Variants in RAD50 observed in about 807,000 individuals in gnomAD.
The protein encoded by RAD50 is RAD50 double strand break repair protein.
A neutral mutation model predicts 168.8 loss-of-function variants in RAD50; 132 were observed. The ratio of observed to expected loss-of-function variants is 0.78; its 90% CI spans 0.68 to 0.90. RAD50 has a LOEUF of 0.90. RAD50 is among the 40% of genes least tolerant of loss of function. RAD50 has a pLI of 0.00. For synonymous variants in RAD50, 525 were observed against 497.4 expected, an observed-to-expected ratio of 1.06 and a Z score of -0.74; for missense variants, 1,347 against 1,534.4, an observed-to-expected ratio of 0.88 and a Z score of 2.04.
intron 23 of RAD50, among the ~76,000 whole-genome samples, chr5:132,638,835 A>G (rs546836960): frequency 2.0e-5 from 3 of 152,340 alleles, no homozygotes; most frequent in East Asian, 1.9e-4. Flanking sequence ...GTTTTAAAGA[A>G]TCAGGAATAT....
At position 132,642,868 on chromosome 5, in the gene RAD50, G is replaced by A; in HGVS notation, c.*504G>A. On this transcript the variant is annotated 3_prime_UTR_variant, in exon 25 of 25. Coordinates refer to ENST00000378823, the MANE Select transcript of RAD50 (RefSeq NM_005732.4). ...CTCTGCTTTTAACTTTATAAATCCAGTGACCTCTCTCTCTGGGACTTGGTT... is the reference window on the plus strand; with the variant it reads ...CTCTGCTTTTAACTTTATAAATCCAATGACCTCTCTCTCTGGGACTTGGTT... 5.3e-6 allele frequency: 2 copies of A among 377,882 alleles called. No homozygotes were observed. Among genetic ancestry groups the A allele is most frequent in the Middle Eastern group, 3.7e-4 (1 of 2,728 alleles). 23.4% of individuals were successfully genotyped at this position (377,882 alleles called of 1,614,324 possible).
intron 16 of RAD50, among the ~76,000 whole-genome samples, chr5:132,606,874 G>A (rs769895745): frequency 8.5e-5 from 13 of 152,142 alleles, no homozygotes; most frequent in Non-Finnish European, 1.6e-4. Flanking sequence ...AAAACCACAT[G>A]ATTATCCCAA....
chr5:132,589,439 A>G (rs1750656974), intron 8 of RAD50, among the ~76,000 whole-genome samples, 192 bp from the exon 9 acceptor site: 1 of 152,226 alleles, frequency 6.6e-6, no homozygotes, highest in Non-Finnish European at 1.5e-5. Flanking sequence ...ATGTAGGCTT[A>G]TGTAAATACA....
chr5:132,625,394 T>C lies in RAD50; in HGVS notation c.3389+7100T>C, dbSNP rs1034538326. ...AGCCACCGCGCCCGGCCGAATTCTT[T>C]TTTTTAAAAAAAGTTTTATTCTTAT... On this transcript the variant is annotated intron_variant, in intron 21 of 24. Transcript: ENST00000378823. Among the ~76,000 whole-genome samples, 12 of 152,342 alleles carry C rather than the reference T, an allele frequency of 7.9e-5. No homozygotes were observed. In the East Asian group the frequency reaches 2.3e-3, roughly 29 times the overall value.
chr5:132,557,104 C>T lies in RAD50; in HGVS notation c.-221C>T, dbSNP rs1051231504. ...TCCCCGCCTCCGCTCTCCCCACCGG[C>T]GGGGAAAGCAGCTGGTGTGGGAGGA... is the stretch of plus-strand genomic sequence containing the variant. On this transcript the variant is annotated 5_prime_UTR_variant, in exon 1 of 25. Coordinates refer to ENST00000378823, the MANE Select transcript of RAD50 (RefSeq NM_005732.4). 19 of 698,568 alleles carry T rather than the reference C, an allele frequency of 2.7e-5. No individual in the cohort carries two copies. The highest frequency in any genetic ancestry group is 4.0e-5 in the Non-Finnish European group (17 of 427,402). 43.3% of individuals were successfully genotyped at this position (698,568 alleles called of 1,614,324 possible). A position where few individuals can be genotyped will look rare whatever the true frequency, so the allele number is the denominator to read the frequency against.
At chr5:132,570,589 T>G (rs960939034) in intron 2 of RAD50, among the ~76,000 whole-genome samples, 24 of 152,246 alleles carry the variant, frequency 1.6e-4, no homozygotes, top group African/African-American at 5.8e-4. Flanking sequence ...AACTTTTCTT[T>G]GCAGCTTCTT....
chr5:132,605,290 A>T (rs112478070), intron 16 of RAD50, among the ~76,000 whole-genome samples: 1,742 of 151,984 alleles, frequency 0.011, 36 homozygotes, highest in African/African-American at 0.04. Context: ...TGATCCGCCT[A>T]CCTTGGCCTC....
chr5:132,623,749 A>C (rs982717537), intron 21 of RAD50, among the ~76,000 whole-genome samples: 1 of 152,218 alleles, frequency 6.6e-6, no homozygotes, highest in African/African-American at 2.4e-5. Flanking sequence ...CCTTAGCACT[A>C]AGAGAGTTAC....
At position 132,588,694 on chromosome 5, in the gene RAD50, A is replaced by G. The variant is rs786201109; in HGVS notation, c.1059A>G (p.Leu353=). 3 of 1,613,432 alleles carry G rather than the reference A, an allele frequency of 1.9e-6. No individual in the cohort carries two copies. Among genetic ancestry groups the G allele is most frequent in the Non-Finnish European group, 2.5e-6 (3 of 1,179,808 alleles). The change falls in exon 8 of 25, where the codon CTA becomes CTG. Residue 353 remains leucine (L), a synonymous_variant. Transcript: ENST00000378823. ...KSELLVEQGR[L]QLQADRHQEH... is the part of the protein sequence containing the mutation. The stretch of plus-strand genomic sequence containing the variant: ...AGATTTTTTTTTTAAAAGGTCGTCT[A>G]CAGCTGCAAGCAGATCGCCATCAAG...
intron 1 of RAD50, 143 bp downstream of exon 1, chr5:132,557,596 C>G: frequency 8.0e-7 from 1 of 1,246,308 alleles, no homozygotes; most frequent in South Asian, 1.3e-5. Context: ...AGGGTGTGGC[C>G]TGCAGGCTAC....
chr5:132,588,918 G>T (rs1158479275), intron 8 of RAD50, 38 bp downstream of exon 8: 3 of 1,566,716 alleles, frequency 1.9e-6, no homozygotes, highest in Non-Finnish European at 2.6e-6. Flanking sequence ...TATTTTGTTT[G>T]CATCATATTC....
At position 132,589,686 on chromosome 5, in the gene RAD50, A is replaced by G. The variant is rs767816754; in HGVS notation, c.1301A>G (p.Asp434Gly). The change falls in exon 9 of 25, where the codon GAT (aspartate) becomes GGT (glycine). Residue 434 changes from aspartate to glycine, a missense_variant. Physicochemically the swap from Asp to Gly is moderately conservative, Grantham distance 94. Around this residue, in one of 3 missense-constraint regions of RAD50, gnomAD observed 703 missense variants for 767.7 expected, o/e 0.92. Coordinates refer to ENST00000378823, the MANE Select transcript of RAD50 (RefSeq NM_005732.4). Reference sequence around the variant, plus strand: ...CAAAAACAGATAGATGAGATAAGAGATAAGAAAACTGGACTGGGAAGAATA... The same window carrying G: ...CAAAAACAGATAGATGAGATAAGAGGTAAGAAAACTGGACTGGGAAGAATA... ...LKQKQIDEIR[D>G]KKTGLGRIIE... 1 of 1,611,770 alleles carries G rather than the reference A, an allele frequency of 6.2e-7. No individual in the cohort carries two copies. The highest frequency in any genetic ancestry group is 1.3e-5 in the African/African-American group (1 of 74,968).
chr5:132,577,105 T>C (rs1323711754), intron 3 of RAD50, among the ~76,000 whole-genome samples: 1 of 152,234 alleles, frequency 6.6e-6, no homozygotes. Flanking sequence ...AAGATGTTAG[T>C]AGGGTTACGT....
intron 2 of RAD50, among the ~76,000 whole-genome samples, chr5:132,573,811 C>T (rs542831866): frequency 3.0e-4 from 45 of 152,230 alleles, no homozygotes; most frequent in Non-Finnish European, 6.2e-4. Context: ...CTACAGGCCC[C>T]GTGCAAGTCC....
chr5:132,612,800 C>T (rs1751109649), intron 19 of RAD50, among the ~76,000 whole-genome samples: 1 of 151,968 alleles, frequency 6.6e-6, no homozygotes, highest in Non-Finnish European at 1.5e-5. Context: ...TGCACTCCAG[C>T]CTGGGCAACA....
At chr5:132,593,703 T>C (rs576174879) in intron 11 of RAD50, among the ~76,000 whole-genome samples, 38 of 152,298 alleles carry the variant, frequency 2.5e-4, no homozygotes, top group African/African-American at 8.2e-4. Flanking sequence ...GAATACAATA[T>C]TGGAGTTTGA....
At position 132,588,871 on chromosome 5, in the gene RAD50, C is replaced by A; in HGVS notation, c.1236C>A (p.Asn412Lys). 6.2e-7 allele frequency: 1 copy of A among 1,611,150 alleles called. No homozygotes were observed. Among genetic ancestry groups the A allele is most frequent in the Non-Finnish European group, 8.5e-7 (1 of 1,177,410 alleles). Residue 412 changes from asparagine (N) to lysine (K), a missense_variant, in exon 8 of 25, where the codon AAC becomes AAA. Asn to Lys is a moderately conservative substitution (Grantham distance 94). This residue lies in a region of RAD50 where 703 missense variants were observed against 767.7 expected (regional missense o/e 0.92). Coordinates refer to ENST00000378823, the MANE Select transcript of RAD50 (RefSeq NM_005732.4). ...AAGAAGGGGAAGCAAAAACTGCCAACCAACTGATGGCAAGTATTTTGAAAT... is the reference window on the plus strand; with the variant it reads ...AAGAAGGGGAAGCAAAAACTGCCAAACAACTGATGGCAAGTATTTTGAAAT... ...ERQEGEAKTA[N>K]QLMNDFAEKE...
At position 132,604,933 on chromosome 5, in the gene RAD50, T is replaced by G; in HGVS notation, c.2652T>G (p.Arg884=). The change falls in exon 16 of 25, where the codon CGT becomes CGG. Residue 884 remains arginine, a synonymous_variant. Transcript: ENST00000378823. ...AGATATCCACTAATTTGCAACGTCG[T>G]CAGCAACTGGAGGAGCAGACTGTGG... ...KLQISTNLQR[R]QQLEEQTVEL... is the part of the protein sequence containing the mutation. 2.5e-6 allele frequency: 4 copies of G among 1,614,030 alleles called. No individual in the cohort carries two copies. Among genetic ancestry groups the G allele is most frequent in the Non-Finnish European group, 3.4e-6 (4 of 1,179,898 alleles).
At chr5:132,598,109 G>T (rs571659595) in intron 13 of RAD50, among the ~76,000 whole-genome samples, 3 of 151,156 alleles carry the variant, frequency 2.0e-5, no homozygotes, top group East Asian at 1.9e-4. Flanking sequence ...GTACAGTGGC[G>T]CAGTCTTGGC....
Sources: allele counts gnomAD v4.1 joint callset (sites outside exome capture counted in the v4.1 genomes callset), GRCh38; gene constraint gnomAD v4.1.1; regional missense constraint gnomAD v4.1.1; transcripts MANE v1.5; gene names NCBI Gene and HGNC (gene_info 2026-07-23, HGNC 2026-07-21).